TTC39C: variants seen among roughly 807,000 people sequenced by gnomAD.
TTC39C encodes the protein tetratricopeptide repeat domain 39C, also known as tetratricopeptide repeat protein 39C.
TTC39C carries 33 observed loss-of-function variants against 76.3 expected under a neutral mutation model. That is an observed-to-expected ratio of 0.43 (90% CI 0.33 to 0.58). TTC39C has a LOEUF of 0.58. Ranked by LOEUF, TTC39C falls within the 20% of genes least tolerant of loss-of-function variation. TTC39C has a pLI of 0.04. For missense variants in TTC39C, 595 were observed against 701.4 expected, an observed-to-expected ratio of 0.85 and a Z score of 1.71; for synonymous variants, 254 against 260.6, an observed-to-expected ratio of 0.97 and a Z score of 0.24.
At chr18:24,003,385 C>T (rs2083328313) in intron 1 of TTC39C, among the ~76,000 whole-genome samples, 1 of 152,196 alleles carries the variant, frequency 6.6e-6, no homozygotes, top group African/African-American at 2.4e-5. Context: ...GTGTGTCTGT[C>T]TCACCCACTA....
intron 1 of TTC39C, among the ~76,000 whole-genome samples, chr18:24,045,181 A>C (rs2083849586): frequency 6.6e-6 from 1 of 150,836 alleles, no homozygotes; most frequent in African/African-American, 2.4e-5. Context: ...AGGCAGGAGA[A>C]TTACCTGAAC....
chr18:24,088,881 G>C (rs563416496), intron 6 of TTC39C, among the ~76,000 whole-genome samples: 1 of 152,368 alleles, frequency 6.6e-6, no homozygotes, highest in Middle Eastern at 3.4e-3. Context: ...CGGCGTGCCT[G>C]TGTTCTGTCT....
In TTC39C at chr18:24,131,020, C is replaced by CA. The variant is rs59161044; in HGVS notation, c.1623+640dup. Among the ~76,000 whole-genome samples the CA allele has an allele frequency of 2.6e-3, 38 of 14,424 alleles. 4 individuals are homozygous for CA. The highest frequency in any genetic ancestry group is 0.02 in the East Asian group (5 of 244). 9.5% of individuals were successfully genotyped at this position (14,424 alleles called of 152,430 possible). On this transcript the variant is annotated intron_variant, in intron 12 of 13. Transcript: ENST00000317571. ...GCAACAAAGTGAAACCTCATCTCTG[C>CA]AAAAAAAAAAAAAAAAAAAAAAAAA... is the stretch of plus-strand genomic sequence containing the variant.
At position 24,132,526 on chromosome 18, in the gene TTC39C, C is replaced by T; in HGVS notation, c.1704C>T (p.Val568=). Residue 568 remains valine, a synonymous_variant, in exon 14 of 14, where the codon GTC becomes GTT. Coordinates refer to ENST00000317571, the MANE Select transcript of TTC39C (RefSeq NM_001135993.2). The part of the protein sequence containing the change: ...SGYDFENRLH[V]RIHAALASLR... ...ACGACTTTGAAAACAGATTGCATGT[C>T]CGCATCCATGCTGCTCTGGCCTCTC... 1.2e-6 allele frequency: 2 copies of T among 1,614,074 alleles called. No individual in the cohort carries two copies. Among genetic ancestry groups the T allele is most frequent in the South Asian group, 1.1e-5 (1 of 91,048 alleles).
intron 6 of TTC39C, among the ~76,000 whole-genome samples, chr18:24,088,750 C>T (rs573094988): frequency 1.4e-4 from 21 of 152,320 alleles, no homozygotes; most frequent in African/African-American, 4.3e-4. Flanking sequence ...TTGACCTTTA[C>T]GTCGCCATAT....
intron 1 of TTC39C, among the ~76,000 whole-genome samples, chr18:24,050,739 C>T (rs769751608): frequency 1.8e-4 from 28 of 151,722 alleles, no homozygotes; most frequent in Admixed American, 3.9e-4. Flanking sequence ...GGTGTGGTGG[C>T]GGGTGCCTTG....
chr18:24,011,498 G>A (rs916566918), upstream of TTC39C, among the ~76,000 whole-genome samples: 4 of 152,216 alleles, frequency 2.6e-5, no homozygotes, highest in African/African-American at 9.6e-5. Flanking sequence ...AAAGCTAAGA[G>A]GTCAAGAGGA....
intron 1 of TTC39C, 62 bp from the exon 2 acceptor site, chr18:24,064,077 TA>T: frequency 6.2e-7 from 1 of 1,601,102 alleles, no homozygotes; most frequent in Non-Finnish European, 8.5e-7. Flanking sequence ...CAAATGCTTT[TA>T]AAATAAAATT....
intron 6 of TTC39C, among the ~76,000 whole-genome samples, chr18:24,098,075 A>AT (rs1395791277): frequency 6.6e-6 from 1 of 152,076 alleles, no homozygotes; most frequent in Non-Finnish European, 1.5e-5. Flanking sequence ...ATATTATATT[A>AT]TTTTTTATCC....
At chr18:24,098,808 T>G (rs1004746600) in intron 6 of TTC39C, among the ~76,000 whole-genome samples, 2 of 151,692 alleles carry the variant, frequency 1.3e-5, no homozygotes, top group Non-Finnish European at 2.9e-5. Flanking sequence ...ATTTTTGTAT[T>G]CTTAGTAGAG....
intron 1 of TTC39C, among the ~76,000 whole-genome samples, chr18:23,994,787 A>T (rs2083248068): frequency 1.3e-5 from 2 of 152,132 alleles, no homozygotes; most frequent in South Asian, 4.1e-4. Context: ...ATAAACTGCA[A>T]CTTGGCTGCA....
intron 6 of TTC39C, among the ~76,000 whole-genome samples, chr18:24,090,899 C>A (rs923094606): frequency 6.7e-6 from 1 of 149,532 alleles, no homozygotes; most frequent in African/African-American, 2.5e-5. Flanking sequence ...CTCCACCTCC[C>A]AGGTTCAAGC....
chr18:24,112,922 G>A (rs950624902), intron 6 of TTC39C, among the ~76,000 whole-genome samples: 3 of 152,052 alleles, frequency 2.0e-5, no homozygotes, highest in Admixed American at 6.5e-5. Context: ...CTCCACCTGC[G>A]CTCATGCACA....
upstream of TTC39C, chr18:24,014,637 G>C (rs1202389492): frequency 2.1e-6 from 1 of 465,370 alleles, no homozygotes; most frequent in Non-Finnish European, 3.2e-6. Flanking sequence ...GGGTGCTGCT[G>C]AGTAATCCCC....
intron 1 of TTC39C, among the ~76,000 whole-genome samples, chr18:24,007,792 C>T (rs2083365827): frequency 6.6e-6 from 1 of 152,174 alleles, no homozygotes; most frequent in Non-Finnish European, 1.5e-5. Flanking sequence ...AATTAATCAT[C>T]TCTATATGAT....
chr18:24,115,611 A>G (rs143744783), intron 7 of TTC39C, among the ~76,000 whole-genome samples: 2,083 of 152,298 alleles, frequency 0.014, 52 homozygotes, highest in African/African-American at 0.047. Flanking sequence ...CAGAATGCTC[A>G]GGGAAGCAGT....
intron 7 of TTC39C, among the ~76,000 whole-genome samples, chr18:24,116,821 T>TG (rs1400821643): frequency 4.1e-4 from 45 of 109,056 alleles, no homozygotes; most frequent in African/African-American, 2.9e-3. Context: ...ATACCTTAGT[T>TG]TTTTTTTTTT....
At chr18:24,001,966 C>T (rs898823866) in intron 1 of TTC39C, among the ~76,000 whole-genome samples, 16 of 151,872 alleles carry the variant, frequency 1.1e-4, no homozygotes, top group African/African-American at 3.4e-4. Flanking sequence ...GCTGGGACTA[C>T]AGGCGCCCGC....
intron 1 of TTC39C, among the ~76,000 whole-genome samples, chr18:23,996,730 A>G (rs2083264150): frequency 6.6e-6 from 1 of 152,200 alleles, no homozygotes; most frequent in Admixed American, 6.5e-5. Flanking sequence ...AGATTTCCAC[A>G]CACTCAAAAA....
Sources: allele counts gnomAD v4.1 joint callset (sites outside exome capture counted in the v4.1 genomes callset), GRCh38; gene constraint gnomAD v4.1.1; transcripts MANE v1.5; gene names NCBI Gene and HGNC (gene_info 2026-07-23, HGNC 2026-07-21).